ERO1B: variants seen among roughly 807,000 people sequenced by gnomAD.
The protein encoded by ERO1B is endoplasmic reticulum oxidoreductase 1 beta.
ERO1B carries 49 observed loss-of-function variants against 75.3 expected under a neutral mutation model. The ratio of observed to expected loss-of-function variants is 0.65; its 90% CI spans 0.52 to 0.83. The LOEUF is 0.83. ERO1B is among the 40% of genes least tolerant of loss of function. The pLI is 0.00. For missense variants in ERO1B, 512 were observed against 560.1 expected (o/e 0.91, Z 0.87); for synonymous variants, 191 against 192.9 (o/e 0.99, Z 0.08).
chr1:236,233,945 A>G, intron 8 of ERO1B, among the ~76,000 whole-genome samples: 1 of 152,146 alleles, frequency 6.6e-6, no homozygotes, highest in Non-Finnish European at 1.5e-5. Flanking sequence ...CAGCTTTATT[A>G]TGTAGGTTCT....
intron 5 of ERO1B, among the ~76,000 whole-genome samples, chr1:236,244,111 A>G (rs1004948348): frequency 4.6e-5 from 7 of 152,172 alleles, no homozygotes; most frequent in Admixed American, 2.6e-4. Flanking sequence ...TTTGATCTAC[A>G]TTAACTTGAA....
chr1:236,229,429 A>C (rs1664350276), intron 10 of ERO1B, among the ~76,000 whole-genome samples: 1 of 152,178 alleles, frequency 6.6e-6, no homozygotes, highest in Admixed American at 6.5e-5. Context: ...ACTCAAAAAA[A>C]AAAAAAAGAA....
Position 236,271,174 on chromosome 1 carries a change from C to T in ERO1B, c.103-1180G>A, listed in dbSNP as rs77354703. The stretch of plus-strand genomic sequence containing the variant: ...AGTATATGGGATTTCTGTGTTATTT[C>T]TTGCAACTCCATATGAACTAACAAC... On this transcript the variant is annotated intron_variant, in intron 1 of 15. Coordinates refer to ENST00000354619, the MANE Select transcript of ERO1B (RefSeq NM_019891.4). 4.3e-3 allele frequency among the ~76,000 whole-genome samples: 655 copies of T among 152,180 alleles called. 7 individuals are homozygous for T. Among genetic ancestry groups the T allele is most frequent in the African/African-American group, 0.014 (578 of 41,506 alleles).
At chr1:236,250,618 TCAAACGTGTGTGTGCAAAC>T (rs1558515593) in intron 4 of ERO1B, among the ~76,000 whole-genome samples, 479 of 109,494 alleles carry the variant, frequency 4.4e-3, no homozygotes, top group Non-Finnish European at 7.0e-3. Context: ...TATATATATA[TCAAACGTGTGTGTGCAAAC>T]ATATATATAT....
chr1:236,240,493 G>A (rs1005782783), intron 6 of ERO1B, among the ~76,000 whole-genome samples: 1 of 152,118 alleles, frequency 6.6e-6, no homozygotes, highest in Admixed American at 6.5e-5. Flanking sequence ...ATGATTTACA[G>A]TCAAGGAGAA....
chr1:236,271,852 A>G (rs1291657938), intron 1 of ERO1B, among the ~76,000 whole-genome samples: 1 of 151,902 alleles, frequency 6.6e-6, no homozygotes, highest in Non-Finnish European at 1.5e-5. Flanking sequence ...TTTCTTATAA[A>G]TTTTTCTTAA....
chr1:236,276,644 C>T (rs571483180), intron 1 of ERO1B, among the ~76,000 whole-genome samples: 4 of 151,854 alleles, frequency 2.6e-5, no homozygotes, highest in East Asian at 1.9e-4. Flanking sequence ...TTCAGAGGTG[C>T]GGTAGGAGCA....
Position 236,227,426 on chromosome 1 carries a change from C to T in ERO1B, c.713-687G>A, listed in dbSNP as rs531017419. On this transcript the variant is annotated intron_variant, in intron 10 of 15. Coordinates refer to ENST00000354619, the MANE Select transcript of ERO1B (RefSeq NM_019891.4). Reference sequence around the variant, plus strand: ...CCCGTCATCCTATCCTAACCCCTGCCCCCATTTTAAAAGATTTTCTCTCAT... The same window carrying T: ...CCCGTCATCCTATCCTAACCCCTGCTCCCATTTTAAAAGATTTTCTCTCAT... Among the ~76,000 whole-genome samples the T allele has an allele frequency of 1.2e-4, 18 of 152,168 alleles. No homozygotes were observed. The South Asian group carries it at 3.1e-3, about 26-fold the overall frequency.
chr1:236,218,942 G>A (rs1356579102), intron 15 of ERO1B, among the ~76,000 whole-genome samples: 1 of 152,030 alleles, frequency 6.6e-6, no homozygotes, highest in African/African-American at 2.4e-5. Context: ...TATGTTGTTA[G>A]CTCCCTAAGG....
At chr1:236,218,709 T>G (rs572432460) in intron 15 of ERO1B, 133 bp from the exon 16 acceptor site, 2 of 768,676 alleles carry the variant, frequency 2.6e-6, no homozygotes, top group Non-Finnish European at 3.4e-6. Context: ...GAAGCTTCCA[T>G]GTTTAAATTA....
chr1:236,232,879 T>A, intron 8 of ERO1B, 40 bp from the exon 9 acceptor site: 1 of 1,542,988 alleles, frequency 6.5e-7, no homozygotes, highest in Admixed American at 1.8e-5. Context: ...AGAAAATGTC[T>A]TACATAGCTC....
chr1:236,270,655 A>C (rs1665568941), intron 1 of ERO1B, among the ~76,000 whole-genome samples: 1 of 152,172 alleles, frequency 6.6e-6, no homozygotes, highest in Non-Finnish European at 1.5e-5. Flanking sequence ...AAATTCCATA[A>C]AACAATCTTT....
At chr1:236,250,956 T>C (rs968215562) in intron 4 of ERO1B, among the ~76,000 whole-genome samples, 2 of 151,914 alleles carry the variant, frequency 1.3e-5, no homozygotes, top group African/African-American at 4.8e-5. Flanking sequence ...GTGTGCACAA[T>C]GAGACAAAGG....
At position 236,260,916 on chromosome 1, in the gene ERO1B, A is replaced by T. The variant is rs557947835; in HGVS notation, c.223-7411T>A. Among the ~76,000 whole-genome samples the T allele has an allele frequency of 1.3e-3, 194 of 152,272 alleles. 1 individual carries two copies. The highest frequency in any genetic ancestry group is 4.2e-3 in the African/African-American group (173 of 41,570). On this transcript the variant is annotated intron_variant, in intron 2 of 15. Coordinates refer to ENST00000354619, the MANE Select transcript of ERO1B (RefSeq NM_019891.4). ...AAAAAAAATGCAAAAATCCTTAATA[A>T]AATATTAGTGAACCAAATCCAAGAG...
At chr1:236,261,279 C>A (rs561872000) in intron 2 of ERO1B, among the ~76,000 whole-genome samples, 4 of 152,110 alleles carry the variant, frequency 2.6e-5, no homozygotes, top group South Asian at 4.1e-4. Flanking sequence ...CACTTCTATT[C>A]AACATAGTAC....
chr1:236,230,985 C>A (rs1572035295), intron 9 of ERO1B, among the ~76,000 whole-genome samples: 1 of 151,166 alleles, frequency 6.6e-6, no homozygotes, highest in Non-Finnish European at 1.5e-5. Context: ...TATCTGAAAA[C>A]ATAGGGCAAA....
chr1:236,258,955 G>A (rs1027539149), intron 2 of ERO1B, among the ~76,000 whole-genome samples: 3 of 152,008 alleles, frequency 2.0e-5, no homozygotes, highest in African/African-American at 7.3e-5. Flanking sequence ...TACAAACTCA[G>A]AACACTATTA....
At chr1:236,237,476 T>C (rs992072310) in intron 6 of ERO1B, among the ~76,000 whole-genome samples, 1 of 152,172 alleles carries the variant, frequency 6.6e-6, no homozygotes, top group Non-Finnish European at 1.5e-5. Flanking sequence ...ATCTTAATTA[T>C]TGAAGCTCAC....
At chr1:236,241,996 G>A (rs1322326274) in intron 6 of ERO1B, among the ~76,000 whole-genome samples, 1 of 151,542 alleles carries the variant, frequency 6.6e-6, no homozygotes, top group Non-Finnish European at 1.5e-5. Context: ...TGAACCTGGG[G>A]GGCGGAGCTT....
Sources: allele counts gnomAD v4.1 joint callset (sites outside exome capture counted in the v4.1 genomes callset), GRCh38; gene constraint gnomAD v4.1.1; transcripts MANE v1.5; gene names NCBI Gene and HGNC (gene_info 2026-07-23, HGNC 2026-07-21).